NXPH2: variants seen among roughly 807,000 people sequenced by gnomAD.
The protein encoded by NXPH2 is neurexophilin-2.
A neutral mutation model predicts 19.8 loss-of-function variants in NXPH2; 5 were observed. The ratio of observed to expected loss-of-function variants is 0.25; its 90% CI spans 0.13 to 0.53. NXPH2 has a LOEUF of 0.53. NXPH2 is among the 20% of genes least tolerant of loss of function. NXPH2 has a pLI of 0.96. For missense variants in NXPH2, 289 were observed against 322.8 expected, an observed-to-expected ratio of 0.90 and a Z score of 0.80; for synonymous variants, 154 against 127.4, an observed-to-expected ratio of 1.21 and a Z score of -1.41.
intron 1 of NXPH2, among the ~76,000 whole-genome samples, chr2:138,729,954 T>C (rs1681421355): frequency 6.6e-6 from 1 of 152,196 alleles, no homozygotes. Context: ...ACATTTATTG[T>C]CTCACAGTCC....
chr2:138,682,060 ATAGT>A (rs1336222747), intron 1 of NXPH2, among the ~76,000 whole-genome samples: 5 of 152,324 alleles, frequency 3.3e-5, no homozygotes, highest in African/African-American at 1.2e-4. Context: ...TATAGCTTAC[ATAGT>A]TAGATTGCTT....
intron 1 of NXPH2, among the ~76,000 whole-genome samples, chr2:138,761,958 G>A (rs1023336374): frequency 6.6e-6 from 1 of 152,114 alleles, no homozygotes; most frequent in East Asian, 1.9e-4. Flanking sequence ...AGATTACGCT[G>A]GTTAAAACCG....
At position 138,687,720 on chromosome 2, in the gene NXPH2, G is replaced by A. The variant is rs1276269251; in HGVS notation, c.52-16055C>T. ...CATTTTGAATTAATTTTTGTATAAG[G>A]TGTAAGGAAGGGATCAAGTTTCAGC... On this transcript the variant is annotated intron_variant, in intron 1 of 1. Coordinates refer to ENST00000272641, the MANE Select transcript of NXPH2 (RefSeq NM_007226.3). 3.9e-5 allele frequency among the ~76,000 whole-genome samples: 6 copies of A among 152,270 alleles called. No homozygotes were observed. The East Asian group carries it at 1.2e-3, about 29-fold the overall frequency.
Position 138,669,244 on chromosome 2 carries a change from TA to T in NXPH2, c.*1677del, listed in dbSNP as rs1478409956. Among the ~76,000 whole-genome samples, 1 of 152,130 alleles carries T rather than the reference TA, an allele frequency of 6.6e-6. No homozygotes were observed. Among genetic ancestry groups the T allele is most frequent in the African/African-American group, 2.4e-5 (1 of 41,436 alleles). Reference sequence around the variant, plus strand: ...GTACACAGAAAATTCTAAGTATATATATATAGATATATGATTCCCACATATT... The same window carrying T: ...GTACACAGAAAATTCTAAGTATATATTATAGATATATGATTCCCACATATT... On this transcript the variant is annotated 3_prime_UTR_variant, in exon 2 of 2. Coordinates refer to ENST00000272641, the MANE Select transcript of NXPH2 (RefSeq NM_007226.3).
intron 1 of NXPH2, among the ~76,000 whole-genome samples, chr2:138,731,662 G>C (rs1340893093): frequency 6.6e-6 from 1 of 152,080 alleles, no homozygotes; most frequent in East Asian, 1.9e-4. Flanking sequence ...AACTGGGATA[G>C]ATCTTCTAAA....
At chr2:138,693,068 T>C (rs1161777168) in intron 1 of NXPH2, among the ~76,000 whole-genome samples, 1 of 152,218 alleles carries the variant, frequency 6.6e-6, no homozygotes, top group South Asian at 2.1e-4. Flanking sequence ...CTTTTCCATA[T>C]TATTTCTTTC....
intron 1 of NXPH2, among the ~76,000 whole-genome samples, chr2:138,738,101 G>A (rs972198171): frequency 2.8e-5 from 4 of 145,392 alleles, no homozygotes; most frequent in African/African-American, 5.3e-5. Flanking sequence ...GGTGTGTGAT[G>A]TTCCCCTTCC....
chr2:138,754,611 C>T (rs1681878939), intron 1 of NXPH2, among the ~76,000 whole-genome samples: 1 of 152,098 alleles, frequency 6.6e-6, no homozygotes, highest in Non-Finnish European at 1.5e-5. Flanking sequence ...TTGTGTGCTT[C>T]CAGTTCTTTG....
At position 138,678,336 on chromosome 2, in the gene NXPH2, G is replaced by A. The variant is rs1440807672; in HGVS notation, c.52-6671C>T. Among the ~76,000 whole-genome samples, 5 of 152,182 alleles carry A rather than the reference G, an allele frequency of 3.3e-5. No homozygotes were observed. The South Asian group carries it at 6.2e-4, about 19-fold the overall frequency. On this transcript the variant is annotated intron_variant, in intron 1 of 1. Coordinates refer to ENST00000272641, the MANE Select transcript of NXPH2 (RefSeq NM_007226.3). ...ATGTTAAGCAACTTGTCACTGTGAC[G>A]TGCCACTGTAATGTTAATCTGGATC...
At chr2:138,748,520 C>T (rs1226360910) in intron 1 of NXPH2, among the ~76,000 whole-genome samples, 1 of 152,102 alleles carries the variant, frequency 6.6e-6, no homozygotes, top group Non-Finnish European at 1.5e-5. Flanking sequence ...GTGCCTGGAA[C>T]AATTTATTGC....
In NXPH2 at chr2:138,720,519, A is replaced by T. The variant is rs149771470; in HGVS notation, c.52-48854T>A. 4.8e-3 allele frequency among the ~76,000 whole-genome samples: 736 copies of T among 152,360 alleles called. 2 individuals carry two copies. Among genetic ancestry groups the T allele is most frequent in the Non-Finnish European group, 6.2e-3 (425 of 68,036 alleles). Reference sequence around the variant, plus strand: ...GACTGTTGGTGTGAAGACGTAATTGACAGTCATAAATTAAATCTATTTATG... The same window carrying T: ...GACTGTTGGTGTGAAGACGTAATTGTCAGTCATAAATTAAATCTATTTATG... On this transcript the variant is annotated intron_variant, in intron 1 of 1. Coordinates refer to ENST00000272641, the MANE Select transcript of NXPH2 (RefSeq NM_007226.3).
chr2:138,744,279 T>C (rs1234514665), intron 1 of NXPH2, among the ~76,000 whole-genome samples: 2 of 152,170 alleles, frequency 1.3e-5, no homozygotes, highest in African/African-American at 4.8e-5. Context: ...CAAGTACAGA[T>C]AAATAGTCTG....
chr2:138,670,064 CAT>C lies in NXPH2; in HGVS notation c.*856_*857del, dbSNP rs1680392192. On this transcript the variant is annotated 3_prime_UTR_variant, in exon 2 of 2. Transcript: ENST00000272641. ...CACTCAACTTCAGAGCTGTTCTACA[CAT>C]GTGTAAAGAATCACACTATCGAATG... Among the ~76,000 whole-genome samples, 1 of 152,212 alleles carries C rather than the reference CAT, an allele frequency of 6.6e-6. No homozygotes were observed. The highest frequency in any genetic ancestry group is 1.5e-5 in the Non-Finnish European group (1 of 68,040).
chr2:138,748,851 T>C (rs1558928681), intron 1 of NXPH2, among the ~76,000 whole-genome samples: 3 of 152,078 alleles, frequency 2.0e-5, no homozygotes, highest in Admixed American at 2.0e-4. Context: ...AAAAATAAAA[T>C]TATGCATTGT....
At chr2:138,684,573 G>GA (rs1342558307) in intron 1 of NXPH2, among the ~76,000 whole-genome samples, 1 of 151,970 alleles carries the variant, frequency 6.6e-6, no homozygotes, top group African/African-American at 2.4e-5. Flanking sequence ...AAATGCTCTG[G>GA]AAAAAAGATC....
At chr2:138,687,136 C>G (rs1344297447) in intron 1 of NXPH2, among the ~76,000 whole-genome samples, 1 of 152,228 alleles carries the variant, frequency 6.6e-6, no homozygotes, top group East Asian at 1.9e-4. Flanking sequence ...ACACTGTCTT[C>G]CACAATGGTT....
chr2:138,777,681 C>T (rs965348999), intron 1 of NXPH2, among the ~76,000 whole-genome samples: 18 of 151,612 alleles, frequency 1.2e-4, no homozygotes, highest in African/African-American at 4.1e-4. Context: ...TTTCATATCA[C>T]TAAATGTTCA....
intron 1 of NXPH2, among the ~76,000 whole-genome samples, chr2:138,757,811 C>A (rs1010908143): frequency 7.3e-5 from 9 of 123,854 alleles, no homozygotes; most frequent in African/African-American, 2.2e-4. Flanking sequence ...GTGTGTGTTT[C>A]TTTATCTATC....
intron 1 of NXPH2, among the ~76,000 whole-genome samples, chr2:138,693,929 G>A (rs916946003): frequency 1.3e-5 from 2 of 152,140 alleles, no homozygotes; most frequent in Admixed American, 1.3e-4. Context: ...AAACCTGGTA[G>A]GCTTTAAAAA....
Sources: allele counts gnomAD v4.1 joint callset (sites outside exome capture counted in the v4.1 genomes callset), GRCh38; gene constraint gnomAD v4.1.1; transcripts MANE v1.5; gene names NCBI Gene and HGNC (gene_info 2026-07-23, HGNC 2026-07-21).